The following MROH9 variants were observed in gnomAD, a reference collection of about 807,000 sequenced individuals.
MROH9 encodes maestro heat-like repeat-containing protein family member 9.
A neutral mutation model predicts 98.2 loss-of-function variants in MROH9; 92 were observed. The observed-to-expected ratio is 0.94, with a 90% confidence interval of 0.79 to 1.11. MROH9 has a LOEUF of 1.11. Among genes scored for constraint, MROH9 ranks in the 50% most tolerant of loss-of-function variants. MROH9 has a pLI of 0.00. For synonymous variants in MROH9, 397 were observed against 368.9 expected, an observed-to-expected ratio of 1.08 and a Z score of -0.87; for missense variants, 1,057 against 1,014.8, an observed-to-expected ratio of 1.04 and a Z score of -0.57.
intron 1 of MROH9, among the ~76,000 whole-genome samples, chr1:170,942,368 GACACACACACACACACACACAC>G (rs10529238): frequency 6.9e-6 from 1 of 144,952 alleles, no homozygotes; most frequent in Admixed American, 6.9e-5. Flanking sequence ...ATGTAGAGTA[GACACACACACACACACACACAC>G]ACACACACAC....
At chr1:171,024,297 A>C in intron 17 of MROH9, 98 bp from the exon 18 acceptor site, 1 of 654,412 alleles carries the variant, frequency 1.5e-6, no homozygotes, top group Non-Finnish European at 2.4e-6. Context: ...TAGTATATTT[A>C]TATGGGGTGT....
At chr1:171,006,884 G>A (rs747788906) in intron 15 of MROH9, among the ~76,000 whole-genome samples, 1 of 151,168 alleles carries the variant, frequency 6.6e-6, no homozygotes, top group East Asian at 1.9e-4. Context: ...TTATTTAGTT[G>A]TCCATCAGTG....
In MROH9 at chr1:170,965,256, G is replaced by T; in HGVS notation, c.480+1G>T. The T allele has an allele frequency of 6.3e-7, 1 of 1,582,638 alleles. No individual in the cohort carries two copies. The stretch of plus-strand genomic sequence containing the variant: ...TACAGTCACAAAAGTCAGAAAATAC[G>T]TAAGTCACAGAATATAACAATGCCA... On this transcript the variant is annotated splice_donor_variant, in intron 7 of 21. Transcript: ENST00000367759. LOFTEE classifies it high-confidence loss of function.
At chr1:171,033,362 T>C (rs1652989672) in intron 20 of MROH9, among the ~76,000 whole-genome samples, 1 of 152,230 alleles carries the variant, frequency 6.6e-6, no homozygotes, top group Non-Finnish European at 1.5e-5. Flanking sequence ...GTCTGCACAT[T>C]CTGAGGTGGG....
chr1:170,960,622 G>T (rs887240460), intron 5 of MROH9, among the ~76,000 whole-genome samples: 2 of 151,888 alleles, frequency 1.3e-5, no homozygotes, highest in African/African-American at 2.4e-5. Context: ...TCAATATTTG[G>T]TTTCGTTTTG....
rs1557868103 is a variant in MROH9 at position 170,945,591 on chromosome 1, T to C, written c.25+10T>C. On this transcript the variant is annotated intron_variant, in intron 2 of 21. Coordinates refer to ENST00000367759, the MANE Select transcript of MROH9 (RefSeq NM_001163629.2). ...AGGAATCCAAAAACAAGTAAGGCTTTAGGACACAATAGAGATGGGAGAAGG... is the reference window on the plus strand; with the variant it reads ...AGGAATCCAAAAACAAGTAAGGCTTCAGGACACAATAGAGATGGGAGAAGG... 3.1e-6 allele frequency: 5 copies of C among 1,610,720 alleles called. No individual in the cohort carries two copies. The highest frequency in any genetic ancestry group is 1.1e-5 in the South Asian group (1 of 90,830).
In MROH9 at chr1:171,037,151, TA is replaced by T. The variant is rs574133104; in HGVS notation, c.2281+11737del. Reference sequence around the variant, plus strand: ...GCTAATCTCAAAGCAACTAACTCATTAAAAAATACAGTGAAAGAAAATATCC... The same window carrying T: ...GCTAATCTCAAAGCAACTAACTCATTAAAAATACAGTGAAAGAAAATATCC... On this transcript the variant is annotated intron_variant, in intron 20 of 21. Transcript: ENST00000367759. 2.5e-3 allele frequency among the ~76,000 whole-genome samples: 374 copies of T among 150,686 alleles called. 2 individuals are homozygous for T. Among genetic ancestry groups the T allele is most frequent in the African/African-American group, 8.1e-3 (331 of 41,018 alleles).
chr1:171,062,543 C>T (rs1436566979), intron 21 of MROH9, among the ~76,000 whole-genome samples: 7 of 152,194 alleles, frequency 4.6e-5, no homozygotes, highest in South Asian at 2.1e-4. Flanking sequence ...CTTATGTTTA[C>T]GTGACAGCAC....
chr1:170,946,184 T>C (rs1488787407), intron 2 of MROH9, among the ~76,000 whole-genome samples: 1 of 151,978 alleles, frequency 6.6e-6, no homozygotes, highest in East Asian at 1.9e-4. Flanking sequence ...GTAGGACTAA[T>C]AAATAAATTC....
chr1:170,987,631 A>G (rs2101804116), intron 10 of MROH9, among the ~76,000 whole-genome samples: 1 of 152,232 alleles, frequency 6.6e-6, no homozygotes, highest in East Asian at 1.9e-4. Context: ...AGTTACAAAC[A>G]TAAGCATAGG....
chr1:170,935,802 G>A (rs1021767301), intron 1 of MROH9, among the ~76,000 whole-genome samples: 2 of 151,644 alleles, frequency 1.3e-5, no homozygotes, highest in African/African-American at 4.8e-5. Context: ...GACCACCCTA[G>A]GCAACTTGGT....
Position 171,014,178 on chromosome 1 carries a change from G to A in MROH9, c.1658G>A (p.Trp553Ter). ...PEEFLVLFIN[W>*]INDSNPVVSR... The stretch of plus-strand genomic sequence containing the variant: ...GAATTTTTGGTCCTCTTCATAAACT[G>A]GATCAATGATTCCAATCCTGTAGTT... Residue 553 changes from tryptophan to a stop codon, truncating the protein, a stop_gained, in exon 16 of 22, where the codon TGG becomes TAG. Coordinates refer to ENST00000367759, the MANE Select transcript of MROH9 (RefSeq NM_001163629.2). LOFTEE classifies it high-confidence loss of function. The A allele has an allele frequency of 1.3e-6, 2 of 1,550,964 alleles. No homozygotes were observed.
intron 16 of MROH9, among the ~76,000 whole-genome samples, chr1:171,015,391 G>C (rs1652292654): frequency 6.6e-6 from 1 of 152,210 alleles, no homozygotes; most frequent in African/African-American, 2.4e-5. Context: ...AGTGGAAAGT[G>C]ATCTGGGTTG....
Position 171,062,153 on chromosome 1 carries a change from G to A in MROH9, c.2303G>A (p.Gly768Asp), listed in dbSNP as rs1224580497. ...ILIGYLAKSG[G>D]HLLLRDEIEV... is the part of the protein sequence containing the mutation. The stretch of plus-strand genomic sequence containing the variant: ...ATAGGATATTTGGCAAAATCAGGTG[G>A]TCATTTACTGCTTAGAGATGAAATC... Residue 768 changes from glycine to aspartate, a missense_variant, in exon 21 of 22, where the codon GGT (glycine) becomes GAT (aspartate). By Grantham distance (94) the Gly-to-Asp change is moderately conservative. Coordinates refer to ENST00000367759, the MANE Select transcript of MROH9 (RefSeq NM_001163629.2). 1.3e-6 allele frequency: 2 copies of A among 1,550,044 alleles called. No homozygotes were observed. The highest frequency in any genetic ancestry group is 4.9e-5 in the East Asian group (2 of 40,864).
In MROH9 at chr1:171,064,094, TAC is replaced by T. The variant is rs1272965759; in HGVS notation, c.2345-3_2345-2del. The T allele has an allele frequency of 1.3e-6, 2 of 1,531,938 alleles. No homozygotes were observed. Among genetic ancestry groups the T allele is most frequent in the East Asian group, 4.9e-5 (2 of 40,848 alleles). The allele number at this position is 1,531,938 out of a possible 1,614,324, so 94.9% of individuals were successfully genotyped here. On this transcript the variant is annotated splice_polypyrimidine_tract_variant and splice_region_variant and intron_variant, in intron 21 of 21. Coordinates refer to ENST00000367759, the MANE Select transcript of MROH9 (RefSeq NM_001163629.2). ...CTTGAACTAAAGTCTCTTCTGATAT[TAC>T]AGTTATTGAACGACTGCTCCGAGAT...
Position 171,010,667 on chromosome 1 carries a change from G to A in MROH9, c.1597-3450G>A, listed in dbSNP as rs530863249. Among the ~76,000 whole-genome samples, 30 of 152,236 alleles carry A rather than the reference G, an allele frequency of 2.0e-4. 2 individuals are homozygous for A. The South Asian group carries it at 6.2e-3, about 32-fold the overall frequency. ...TGTTATCTCACTGTGGTTTTGATTTGCATTTCTCTAATGACCAGTGATGAT... is the reference window on the plus strand; with the variant it reads ...TGTTATCTCACTGTGGTTTTGATTTACATTTCTCTAATGACCAGTGATGAT... On this transcript the variant is annotated intron_variant, in intron 15 of 21. Coordinates refer to ENST00000367759, the MANE Select transcript of MROH9 (RefSeq NM_001163629.2).
chr1:170,959,826 G>A (rs1649946598), intron 5 of MROH9, among the ~76,000 whole-genome samples: 1 of 152,138 alleles, frequency 6.6e-6, no homozygotes, highest in African/African-American at 2.4e-5. Context: ...AGATATTTTT[G>A]GTTAATTGGT....
chr1:171,042,671 T>C (rs1653344759), intron 20 of MROH9, among the ~76,000 whole-genome samples: 1 of 152,080 alleles, frequency 6.6e-6, no homozygotes. Context: ...CTTTTTGATA[T>C]AAGCCATCTT....
chr1:171,017,179 C>G (rs572000935), intron 17 of MROH9, among the ~76,000 whole-genome samples: 1 of 152,168 alleles, frequency 6.6e-6, no homozygotes, highest in African/African-American at 2.4e-5. Flanking sequence ...CAGCAGCATC[C>G]GGAAGCTGCC....
Sources: allele counts gnomAD v4.1 joint callset (sites outside exome capture counted in the v4.1 genomes callset), GRCh38; gene constraint gnomAD v4.1.1; transcripts MANE v1.5; gene names NCBI Gene and HGNC (gene_info 2026-07-23, HGNC 2026-07-21).